Variants in COL21A1 observed in about 807,000 individuals in gnomAD.
The protein encoded by COL21A1 is collagen alpha-1(XXI) chain.
COL21A1 carries 149 observed loss-of-function variants against 137.9 expected under a neutral mutation model. The ratio of observed to expected loss-of-function variants is 1.08; its 90% confidence interval spans 0.95 to 1.24. COL21A1 has a LOEUF of 1.24. Among genes scored for constraint, COL21A1 ranks in the 50% most tolerant of loss-of-function variants. The pLI, the probability that COL21A1 is intolerant of heterozygous loss-of-function variation, is 0.00. For missense variants in COL21A1, 1,167 were observed against 1,158.4 expected, an observed-to-expected ratio of 1.01 and a Z score of -0.11; for synonymous variants, 456 against 391.5, an observed-to-expected ratio of 1.16 and a Z score of -1.95.
At position 56,077,516 on chromosome 6, in the gene COL21A1, C is replaced by T. The variant is rs569243704; in HGVS notation, c.1857+13G>A. 37 of 1,562,962 alleles carry T rather than the reference C, an allele frequency of 2.4e-5. No individual in the cohort carries two copies. In the South Asian group the frequency reaches 3.9e-4, roughly 16 times the overall value. On this transcript the variant is annotated intron_variant, in intron 18 of 29. Transcript: ENST00000244728. ...CAGATCCAGGCCCAAAGCTAACTCT[C>T]ATGAATACTTACCTTTTGGCCCATT...
intron 1 of COL21A1, among the ~76,000 whole-genome samples, chr6:56,376,273 T>C (rs2093999110): frequency 6.6e-6 from 1 of 152,152 alleles, no homozygotes; most frequent in Non-Finnish European, 1.5e-5. Flanking sequence ...ACCTTTGGCA[T>C]AACAGTTTCC....
At chr6:56,236,713 T>G (rs886230793) in intron 1 of COL21A1, among the ~76,000 whole-genome samples, 17 of 152,030 alleles carry the variant, frequency 1.1e-4, no homozygotes, top group Admixed American at 1.1e-3. Flanking sequence ...AAATTGTATT[T>G]AAAATAGTCC....
At chr6:56,256,361 T>C (rs60407790) in intron 1 of COL21A1, among the ~76,000 whole-genome samples, 24,894 of 152,160 alleles carry the variant, frequency 0.16, 4,353 homozygotes, top group African/African-American at 0.44. Context: ...AACAACAATA[T>C]ATTTTCCTTT....
chr6:56,269,878 C>A (rs1418024327), intron 1 of COL21A1, among the ~76,000 whole-genome samples: 1 of 152,114 alleles, frequency 6.6e-6, no homozygotes, highest in Non-Finnish European at 1.5e-5. Context: ...GACAAGCAAA[C>A]ACTGATGGAA....
At position 56,115,297 on chromosome 6, in the gene COL21A1, T is replaced by C. The variant is rs935003476; in HGVS notation, c.1758+8765A>G. ...TACCCTAAAACTTAAAGTATAATAA[T>C]AAAGAAAAAAAAAAAAAAGAACAGA... is the stretch of plus-strand genomic sequence containing the variant. On this transcript the variant is annotated intron_variant, in intron 16 of 29. Coordinates refer to ENST00000244728, the MANE Select transcript of COL21A1 (RefSeq NM_030820.4). 3.9e-5 allele frequency among the ~76,000 whole-genome samples: 3 copies of C among 76,122 alleles called. No individual in the cohort carries two copies. In the East Asian group the frequency reaches 1.7e-3, roughly 43 times the overall value. 49.9% of individuals were successfully genotyped at this position (76,122 alleles called of 152,430 possible). A position where few individuals can be genotyped will look rare whatever the true frequency, so the allele number is the denominator to read the frequency against.
At chr6:56,327,293 G>A (rs1765118088) in intron 1 of COL21A1, among the ~76,000 whole-genome samples, 1 of 151,446 alleles carries the variant, frequency 6.6e-6, no homozygotes, top group South Asian at 2.1e-4. Context: ...AATTAAAAAT[G>A]TTAAAAAATA....
chr6:56,293,588 TC>T (rs1178495810), intron 1 of COL21A1, among the ~76,000 whole-genome samples: 1 of 152,146 alleles, frequency 6.6e-6, no homozygotes. Flanking sequence ...TTAATTTTAA[TC>T]ATTAATGAAA....
At chr6:56,297,517 T>A (rs183139537) in intron 1 of COL21A1, among the ~76,000 whole-genome samples, 2 of 152,218 alleles carry the variant, frequency 1.3e-5, no homozygotes, top group African/African-American at 4.8e-5. Flanking sequence ...TGTGAAACAA[T>A]TCCAAGTGTG....
chr6:56,257,885 T>A (rs1375233124), intron 1 of COL21A1, among the ~76,000 whole-genome samples: 1 of 152,138 alleles, frequency 6.6e-6, no homozygotes, highest in African/African-American at 2.4e-5. Context: ...AATTATAGTA[T>A]TATAATTAAA....
At chr6:56,341,275 C>T (rs1765462778) in intron 1 of COL21A1, among the ~76,000 whole-genome samples, 1 of 152,120 alleles carries the variant, frequency 6.6e-6, no homozygotes, top group Non-Finnish European at 1.5e-5. Context: ...TTTCTCAGCA[C>T]ATTTGAAAAT....
Position 56,057,845 on chromosome 6 carries a change from C to T in COL21A1, c.2687-1G>A. 1 of 1,530,310 alleles carries T rather than the reference C, an allele frequency of 6.5e-7. No individual in the cohort carries two copies. The highest frequency in any genetic ancestry group is 1.4e-5 in the African/African-American group (1 of 70,556). The allele number at this position is 1,530,310 out of a possible 1,614,324, so 94.8% of individuals were successfully genotyped here. A position where few individuals can be genotyped will look rare whatever the true frequency, so the allele number is the denominator to read the frequency against. ...CTTATTCCAGGAGGGCCCTCTGGACCTAAGATGGGACATTGGCAAGACGTA... is the reference window on the plus strand; with the variant it reads ...CTTATTCCAGGAGGGCCCTCTGGACTTAAGATGGGACATTGGCAAGACGTA... On this transcript the variant is annotated splice_acceptor_variant, in intron 29 of 29. Transcript: ENST00000244728. LOFTEE classifies it high-confidence loss of function.
chr6:56,165,382 C>G (rs1182411571), intron 7 of COL21A1, among the ~76,000 whole-genome samples: 1 of 152,100 alleles, frequency 6.6e-6, no homozygotes, highest in Non-Finnish European at 1.5e-5. Flanking sequence ...AAAGTCACAT[C>G]TGAGAGTAAG....
At chr6:56,378,384 C>G (rs1442439915) in intron 1 of COL21A1, among the ~76,000 whole-genome samples, 1 of 152,146 alleles carries the variant, frequency 6.6e-6, no homozygotes, top group Admixed American at 6.5e-5. Context: ...GCATCCACCA[C>G]AAGCTGATAG....
At chr6:56,273,579 G>T (rs11757974) in intron 1 of COL21A1, among the ~76,000 whole-genome samples, 31,433 of 152,050 alleles carry the variant, frequency 0.21, 4,023 homozygotes, top group Non-Finnish European at 0.29. Context: ...AGGACCCTCA[G>T]AGGCTACTAT....
intron 1 of COL21A1, among the ~76,000 whole-genome samples, chr6:56,353,892 A>T (rs1765772700): frequency 6.6e-6 from 1 of 152,246 alleles, no homozygotes; most frequent in African/African-American, 2.4e-5. Flanking sequence ...TGAGAAATAC[A>T]AGAGAACATA....
intron 9 of COL21A1, among the ~76,000 whole-genome samples, chr6:56,163,410 A>G (rs1776331417): frequency 6.6e-6 from 1 of 152,286 alleles, no homozygotes; most frequent in East Asian, 1.9e-4. Context: ...AGCACAACTT[A>G]CTTAAAAATT....
chr6:56,097,818 A>AAT (rs1458711681), intron 17 of COL21A1, among the ~76,000 whole-genome samples: 8 of 89,472 alleles, frequency 8.9e-5, no homozygotes, highest in African/African-American at 3.2e-4. Context: ...AATATATATA[A>AAT]ATACATATAA....
chr6:56,348,460 A>G (rs759443373), intron 1 of COL21A1, among the ~76,000 whole-genome samples: 1 of 152,194 alleles, frequency 6.6e-6, no homozygotes, highest in Non-Finnish European at 1.5e-5. Flanking sequence ...TAGGGGAAAC[A>G]CAGGCTCAGC....
chr6:56,390,169 A>G (rs2094026372), intron 1 of COL21A1, among the ~76,000 whole-genome samples: 1 of 143,174 alleles, frequency 7.0e-6, no homozygotes, highest in Non-Finnish European at 1.5e-5. Flanking sequence ...AGACAACAAA[A>G]AGTCAAGAGG....
Sources: allele counts gnomAD v4.1 joint callset (sites outside exome capture counted in the v4.1 genomes callset), GRCh38; gene constraint gnomAD v4.1.1; transcripts MANE v1.5; gene names NCBI Gene and HGNC (gene_info 2026-07-23, HGNC 2026-07-21).